The following SGCZ variants were observed in gnomAD, a reference collection of about 807,000 sequenced individuals.
SGCZ encodes sarcoglycan zeta.
In SGCZ, 40 loss-of-function variants were observed where a neutral mutation model predicts 41.3. The ratio of observed to expected loss-of-function variants is 0.97; its 90% CI spans 0.75 to 1.26. The LOEUF (loss-of-function observed/expected upper bound fraction) is 1.26, where lower values mean the gene tolerates loss of function less well. Ranked by LOEUF, SGCZ falls within the 50% of genes most tolerant of loss-of-function variation. SGCZ has a pLI of 0.00. For missense variants in SGCZ, 552 were observed against 369.8 expected (o/e 1.49, Z -4.04); for synonymous variants, 206 against 137.5 (o/e 1.50, Z -3.49).
intron 1 of SGCZ, among the ~76,000 whole-genome samples, chr8:15,145,199 A>G (rs1799005270): frequency 6.6e-6 from 1 of 152,160 alleles, no homozygotes; most frequent in South Asian, 2.1e-4. Context: ...AAATTCAGCC[A>G]TGTTCATTAT....
At chr8:14,154,531 A>G (rs1803818814) in intron 5 of SGCZ, among the ~76,000 whole-genome samples, 1 of 152,146 alleles carries the variant, frequency 6.6e-6, no homozygotes. Context: ...GTTTATTAAT[A>G]ATTTTGTTGC....
chr8:14,147,527 T>C (rs530717666), intron 5 of SGCZ, among the ~76,000 whole-genome samples: 1 of 152,142 alleles, frequency 6.6e-6, no homozygotes, highest in African/African-American at 2.4e-5. Context: ...CAATTTTAAA[T>C]AGATCTGCAC....
At chr8:14,123,977 A>AAGAT (rs1802776687) in intron 5 of SGCZ, among the ~76,000 whole-genome samples, 1 of 152,244 alleles carries the variant, frequency 6.6e-6, no homozygotes, top group African/African-American at 2.4e-5. Context: ...GTTAACTTTG[A>AAGAT]AGATAGAGGA....
intron 7 of SGCZ, among the ~76,000 whole-genome samples, chr8:14,091,428 G>A (rs968626951): frequency 2.6e-5 from 4 of 152,032 alleles, no homozygotes; most frequent in Admixed American, 6.6e-5. Context: ...TTCCACAATG[G>A]TTTAACCAAT....
intron 1 of SGCZ, among the ~76,000 whole-genome samples, chr8:15,095,274 T>C (rs1173795136): frequency 6.6e-6 from 1 of 152,110 alleles, no homozygotes; most frequent in Admixed American, 6.6e-5. Context: ...AATTTTTGTA[T>C]TTTTAGTAGA....
At chr8:14,980,083 C>A in intron 1 of SGCZ, among the ~76,000 whole-genome samples, 1 of 152,140 alleles carries the variant, frequency 6.6e-6, no homozygotes. Flanking sequence ...GATGGAGATC[C>A]TATCAGTGCA....
chr8:14,959,941 G>C (rs1480563441), intron 1 of SGCZ, among the ~76,000 whole-genome samples: 1 of 152,118 alleles, frequency 6.6e-6, no homozygotes, highest in Admixed American at 6.6e-5. Context: ...TTACCATGGG[G>C]CTGAGCAACC....
chr8:14,489,334 G>A (rs1367003754), intron 2 of SGCZ, among the ~76,000 whole-genome samples: 1 of 151,856 alleles, frequency 6.6e-6, no homozygotes, highest in Non-Finnish European at 1.5e-5. Flanking sequence ...ATTATAAAAT[G>A]GACACAGAAT....
At chr8:14,195,229 G>A (rs977115516) in intron 4 of SGCZ, among the ~76,000 whole-genome samples, 1 of 151,992 alleles carries the variant, frequency 6.6e-6, no homozygotes, top group Non-Finnish European at 1.5e-5. Flanking sequence ...AGAAAAGTCA[G>A]GGACATGTAT....
chr8:14,826,814 A>T (rs1280558098), intron 1 of SGCZ, among the ~76,000 whole-genome samples: 2 of 152,088 alleles, frequency 1.3e-5, no homozygotes, highest in Non-Finnish European at 2.9e-5. Context: ...GTTTGAGTTC[A>T]TTGTAGATTC....
rs201235105 is a variant in SGCZ, at chr8:14,751,953, A to AC, written c.40-197028_40-197027insG. 9.1e-3 allele frequency among the ~76,000 whole-genome samples: 1,338 copies of AC among 146,280 alleles called. 10 individuals carry two copies. The highest frequency in any genetic ancestry group is 0.022 in the South Asian group (96 of 4,322). On this transcript the variant is annotated intron_variant, in intron 1 of 7. Coordinates refer to ENST00000382080, the MANE Select transcript of SGCZ (RefSeq NM_139167.4). ...ACTCAAGAAAAACAAAAACAAACAAAAAAAAAAAACACCTTAGAGGATTTG... is the reference window on the plus strand; with the variant it reads ...ACTCAAGAAAAACAAAAACAAACAAACAAAAAAAAACACCTTAGAGGATTTG...
In SGCZ at chr8:15,180,623, C is replaced by T. The variant is rs183509138; in HGVS notation, c.39+56962G>A. On this transcript the variant is annotated intron_variant, in intron 1 of 7. Coordinates refer to ENST00000382080, the MANE Select transcript of SGCZ (RefSeq NM_139167.4). ...GGGAAAGGCTGGGCATGGTGACTCA[C>T]GCCTGTAATCCCAGCACTTTGGGAG... 4.3e-4 allele frequency among the ~76,000 whole-genome samples: 65 copies of T among 151,870 alleles called. No individual in the cohort carries two copies. The East Asian group carries it at 0.011, about 26-fold the overall frequency.
intron 1 of SGCZ, among the ~76,000 whole-genome samples, chr8:14,645,149 A>C (rs1807165934): frequency 6.6e-6 from 1 of 151,578 alleles, no homozygotes; most frequent in Non-Finnish European, 1.5e-5. Flanking sequence ...ATGTACCTGA[A>C]ATTTCAACTT....
chr8:14,312,326 A>T (rs1801574058), intron 3 of SGCZ, among the ~76,000 whole-genome samples: 1 of 151,778 alleles, frequency 6.6e-6, no homozygotes, highest in African/African-American at 2.4e-5. Context: ...TTTGGGGAAA[A>T]AAAGTAATTT....
intron 1 of SGCZ, among the ~76,000 whole-genome samples, chr8:15,207,336 TG>T (rs933025835): frequency 2.6e-5 from 4 of 152,144 alleles, no homozygotes; most frequent in Admixed American, 6.5e-5. Flanking sequence ...TGTGAATAGA[TG>T]ATGTGTGCCA....
At chr8:15,183,065 G>A (rs948025371) in intron 1 of SGCZ, among the ~76,000 whole-genome samples, 8 of 152,282 alleles carry the variant, frequency 5.3e-5, no homozygotes, top group African/African-American at 1.9e-4. Context: ...CCCTTCAGGG[G>A]CAGTAACAGG....
At chr8:14,923,878 G>T (rs1799665760) in intron 1 of SGCZ, among the ~76,000 whole-genome samples, 2 of 152,128 alleles carry the variant, frequency 1.3e-5, no homozygotes, top group Admixed American at 6.5e-5. Context: ...CCCCAGAGTT[G>T]GTACGAAGAT....
chr8:14,116,023 G>A (rs1465617076), intron 5 of SGCZ, among the ~76,000 whole-genome samples: 1 of 152,000 alleles, frequency 6.6e-6, no homozygotes, highest in African/African-American at 2.4e-5. Flanking sequence ...CACTTTCATT[G>A]CTTAATTCTT....
intron 2 of SGCZ, among the ~76,000 whole-genome samples, chr8:14,439,320 T>C (rs993359259): frequency 5.4e-5 from 8 of 148,014 alleles, no homozygotes; most frequent in African/African-American, 2.0e-4. Flanking sequence ...AATATATATA[T>C]ATATATATAT....
Sources: allele counts gnomAD v4.1 joint callset (sites outside exome capture counted in the v4.1 genomes callset), GRCh38; gene constraint gnomAD v4.1.1; transcripts MANE v1.5; gene names NCBI Gene and HGNC (gene_info 2026-07-23, HGNC 2026-07-21).